The following ADAMTS20 variants were observed in gnomAD, a reference collection of about 807,000 sequenced individuals.
ADAMTS20 encodes the protein ADAM metallopeptidase with thrombospondin type 1 motif 20.
A neutral mutation model predicts 260.1 loss-of-function variants in ADAMTS20; 225 were observed. That is an observed-to-expected ratio of 0.87 (90% confidence interval 0.78 to 0.97). The LOEUF (loss-of-function observed/expected upper bound fraction) is 0.97, where lower values mean the gene tolerates loss of function less well. Among genes scored for constraint, ADAMTS20 ranks in the 50% least tolerant of loss-of-function variants. The probability of loss-of-function intolerance (pLI) is 0.00; values close to 1 mark genes in which losing one functional copy is unlikely to be tolerated. For missense variants in ADAMTS20, 2,400 were observed against 2,337.7 expected (o/e 1.03, Z -0.55); for synonymous variants, 802 against 769.5 (o/e 1.04, Z -0.70).
At chr12:43,371,705 G>GAAC (rs1255330958) in intron 36 of ADAMTS20, among the ~76,000 whole-genome samples, 2 of 152,166 alleles carry the variant, frequency 1.3e-5, no homozygotes, top group Non-Finnish European at 2.9e-5. Context: ...TGTGTTCAAG[G>GAAC]AACAGCAAAC....
At chr12:43,545,660 G>A (rs2137528742) in intron 2 of ADAMTS20, among the ~76,000 whole-genome samples, 1 of 152,266 alleles carries the variant, frequency 6.6e-6, no homozygotes, top group African/African-American at 2.4e-5. Context: ...TGGCAGACCT[G>A]TTCTCGAGAG....
chr12:43,409,589 G>A (rs1446654785), intron 28 of ADAMTS20, among the ~76,000 whole-genome samples: 14 of 75,090 alleles, frequency 1.9e-4, no homozygotes, highest in East Asian at 3.5e-4. Flanking sequence ...GCGACAGAGC[G>A]AGACTCCGTC....
rs373746834 is a variant in ADAMTS20 at position 43,501,481 on chromosome 12, G to GCGCACACACACACACA, written c.867+670_867+671insTGTGTGTGTGTGTGCG. On this transcript the variant is annotated intron_variant, in intron 4 of 38. Transcript: ENST00000389420. ...GGGATACGCGCGCGCGCGCGCGCGC[G>GCGCACACACACACACA]CACACACACACACACACACACATGT... is the stretch of plus-strand genomic sequence containing the variant. Among the ~76,000 whole-genome samples the GCGCACACACACACACA allele has an allele frequency of 4.1e-3, 485 of 117,722 alleles. 1 individual carries two copies. Among genetic ancestry groups the GCGCACACACACACACA allele is most frequent in the African/African-American group, 0.012 (369 of 31,682 alleles). The allele number at this position is 117,722 out of a possible 152,430, so 77.2% of individuals were successfully genotyped here.
chr12:43,450,987 A>C (rs1236908903), intron 14 of ADAMTS20, among the ~76,000 whole-genome samples: 1 of 152,190 alleles, frequency 6.6e-6, no homozygotes, highest in Admixed American at 6.6e-5. Flanking sequence ...TCCCATGTTT[A>C]TCACAGCTCT....
Position 43,434,344 on chromosome 12 carries a change from A to T in ADAMTS20, c.2621T>A (p.Ile874Lys), listed in dbSNP as rs544270090. Reference sequence around the variant, plus strand: ...CACAACACTATGATCACTCTTATGTATGCAAGTTATGTTTCTTCGCTGAAG... The same window carrying T: ...CACAACACTATGATCACTCTTATGTTTGCAAGTTATGTTTCTTCGCTGAAG... ...QGLQRRNITC[I>K]HKSDHSVVSD... Residue 874 changes from isoleucine to lysine, a missense_variant, in exon 19 of 39, where the codon ATA (isoleucine) becomes AAA (lysine). Transcript: ENST00000389420. 2.5e-6 allele frequency: 4 copies of T among 1,586,744 alleles called. No individual in the cohort carries two copies. In the Admixed American group the frequency reaches 7.2e-5, roughly 29 times the overall value.
chr12:43,484,454 T>C (rs1174658995), intron 7 of ADAMTS20, among the ~76,000 whole-genome samples: 1 of 152,102 alleles, frequency 6.6e-6, no homozygotes, highest in Non-Finnish European at 1.5e-5. Context: ...AAATTAAAAA[T>C]GTTCTAAAGA....
At chr12:43,407,336 T>C (rs1026923223) in intron 28 of ADAMTS20, among the ~76,000 whole-genome samples, 7 of 151,498 alleles carry the variant, frequency 4.6e-5, no homozygotes, top group African/African-American at 1.7e-4. Flanking sequence ...GTAATAATAA[T>C]ATATAATTTT....
At position 43,432,435 on chromosome 12, in the gene ADAMTS20, G is replaced by A. The variant is rs867558051; in HGVS notation, c.2965C>T (p.Arg989Ter). The A allele has an allele frequency of 6.8e-6, 11 of 1,612,214 alleles. No homozygotes were observed. The highest frequency in any genetic ancestry group is 2.2e-5 in the East Asian group (1 of 44,788). ...AAGTTATTCATACAATAAGATTCTCGAGACCTTTCCCCTCCTCCACAACTC... is the reference window on the plus strand; with the variant it reads ...AAGTTATTCATACAATAAGATTCTCAAGACCTTTCCCCTCCTCCACAACTC... ...SRSCGGGERS[R>*]ESYCMNNFGH... The change falls in exon 21 of 39, where the codon CGA becomes TGA. Residue 989 changes from arginine to a stop codon, truncating the protein, a stop_gained. Coordinates refer to ENST00000389420, the MANE Select transcript of ADAMTS20 (RefSeq NM_025003.5). LOFTEE classifies it high-confidence loss of function.
intron 28 of ADAMTS20, among the ~76,000 whole-genome samples, chr12:43,405,113 G>A (rs1252063173): frequency 6.6e-6 from 1 of 150,920 alleles, no homozygotes; most frequent in Non-Finnish European, 1.5e-5. Flanking sequence ...TTAAATAGAG[G>A]CCAGGTGGGG....
chr12:43,396,397 A>C (rs929318080), intron 29 of ADAMTS20, among the ~76,000 whole-genome samples: 1 of 152,190 alleles, frequency 6.6e-6, no homozygotes, highest in Non-Finnish European at 1.5e-5. Flanking sequence ...GGAATAAAGC[A>C]ACAACCAGTG....
At chr12:43,372,987 GGAGA>G (rs1391043008) in intron 36 of ADAMTS20, among the ~76,000 whole-genome samples, 2 of 152,208 alleles carry the variant, frequency 1.3e-5, no homozygotes, top group Non-Finnish European at 2.9e-5. Flanking sequence ...TAGAAAAGTA[GGAGA>G]GAGAATGGAC....
intron 38 of ADAMTS20, 25 bp downstream of exon 38, chr12:43,356,459 G>T (rs767055381): frequency 6.7e-6 from 10 of 1,487,808 alleles, no homozygotes; most frequent in Non-Finnish European, 8.3e-6. Context: ...ATTTCAAACA[G>T]GCTTTTTGGT....
chr12:43,437,449 CATAT>C (rs754303833), intron 18 of ADAMTS20, among the ~76,000 whole-genome samples: 8 of 152,042 alleles, frequency 5.3e-5, no homozygotes, highest in Non-Finnish European at 1.0e-4. Context: ...CAAATCAAGG[CATAT>C]TGTCCTGAAA....
intron 2 of ADAMTS20, among the ~76,000 whole-genome samples, chr12:43,540,122 A>G (rs169327): frequency 0.93 from 141,251 of 152,110 alleles, 66,020 homozygotes; most frequent in East Asian, 0.99. Context: ...GATCCGCCTC[A>G]GCCTCCCAAA....
At chr12:43,400,003 T>G (rs1019264512) in intron 28 of ADAMTS20, among the ~76,000 whole-genome samples, 1 of 152,060 alleles carries the variant, frequency 6.6e-6, no homozygotes, top group African/African-American at 2.4e-5. Context: ...AGTCTTGATT[T>G]TTTTTCATTT....
chr12:43,423,678 T>C (rs773646301), intron 28 of ADAMTS20: 1 of 697,640 alleles, frequency 1.4e-6, no homozygotes, highest in African/African-American at 1.8e-5. Context: ...CTAAGATAGC[T>C]AATAAAAATA....
chr12:43,452,826 T>C (rs1941895269), intron 12 of ADAMTS20, 131 bp from the exon 13 acceptor site: 1 of 798,630 alleles, frequency 1.3e-6, no homozygotes, highest in Non-Finnish European at 1.9e-6. Flanking sequence ...AACAGAAGTA[T>C]GTAACATGAG....
At chr12:43,483,090 G>A (rs895025932) in intron 7 of ADAMTS20, among the ~76,000 whole-genome samples, 7 of 152,120 alleles carry the variant, frequency 4.6e-5, no homozygotes, top group African/African-American at 1.4e-4. Flanking sequence ...CAGAGTCTAC[G>A]TCACTCCTCT....
chr12:43,470,514 C>T (rs10880505), intron 7 of ADAMTS20, among the ~76,000 whole-genome samples: 50,172 of 151,960 alleles, frequency 0.33, 8,896 homozygotes, highest in East Asian at 0.75. Context: ...GGAAACATGC[C>T]GCTGGTTGAT....
Sources: allele counts gnomAD v4.1 joint callset (sites outside exome capture counted in the v4.1 genomes callset), GRCh38; gene constraint gnomAD v4.1.1; transcripts MANE v1.5; gene names NCBI Gene and HGNC (gene_info 2026-07-23, HGNC 2026-07-21).